Variants in NCOR2 observed in about 807,000 individuals in gnomAD.
NCOR2 encodes nuclear receptor corepressor 2.
Under a neutral mutation model 262.9 loss-of-function variants are expected in NCOR2, and 81 were observed. The observed-to-expected ratio is 0.31, with a 90% CI of 0.26 to 0.37. The LOEUF (loss-of-function observed/expected upper bound fraction) is 0.37. Among genes scored for constraint, NCOR2 ranks in the 10% least tolerant of loss-of-function variants. The pLI is 1.00. For synonymous variants in NCOR2, 1,659 were observed against 1,559.3 expected (o/e 1.06, Z -1.51); for missense variants, 3,385 against 3,621.4 (o/e 0.93, Z 1.68).
chr12:124,450,792 C>T (rs1014443306), intron 6 of NCOR2, among the ~76,000 whole-genome samples: 8 of 152,224 alleles, frequency 5.3e-5, no homozygotes, highest in African/African-American at 1.9e-4. Flanking sequence ...AGGTTCAAGT[C>T]CCGGTTCTGA....
chr12:124,344,980 C>G, intron 31 of NCOR2, 29 bp from the exon 34 acceptor site: 1 of 1,497,362 alleles, frequency 6.7e-7, no homozygotes, highest in Non-Finnish European at 9.0e-7. Flanking sequence ...AAGCTCTAGC[C>G]CTGGCCACAG....
intron 4 of NCOR2, 62 bp from the exon 7 acceptor site, chr12:124,466,348 C>T (rs1024578398): frequency 2.7e-6 from 4 of 1,502,580 alleles, no homozygotes; most frequent in African/African-American, 2.8e-5. Flanking sequence ...GGGCTGCAGC[C>T]CCCAGGGCGC....
intron 18 of NCOR2, among the ~76,000 whole-genome samples, chr12:124,374,673 A>G (rs149449227): frequency 1.1e-4 from 17 of 152,338 alleles, no homozygotes; most frequent in Non-Finnish European, 1.5e-4. Context: ...GTGACCTGCA[A>G]TAGCCCTGAG....
chr12:124,333,390 T>C, intron 41 of NCOR2, 111 bp from the exon 44 acceptor site: 1 of 1,036,904 alleles, frequency 9.6e-7, no homozygotes, highest in Non-Finnish European at 1.3e-6. Flanking sequence ...CGTGGCCAAA[T>C]CATAAACGTT....
upstream of NCOR2, among the ~76,000 whole-genome samples, chr12:124,496,999 C>T (rs1348414262): frequency 6.6e-6 from 1 of 152,160 alleles, no homozygotes; most frequent in Non-Finnish European, 1.5e-5. The surrounding 1 kb of genome is among the most constrained non-coding windows in gnomAD (Gnocchi z 4.4). Flanking sequence ...GAAGGCAGGG[C>T]GAAAGGGCGG....
intron 20 of NCOR2, 52 bp downstream of exon 22, chr12:124,371,970 C>A: frequency 6.6e-7 from 1 of 1,507,558 alleles, no homozygotes; most frequent in Non-Finnish European, 8.9e-7. Flanking sequence ...GTAGTCGCTG[C>A]TCAGTGTCTG....
intron 2 of NCOR2, 197 bp downstream of exon 4, chr12:124,486,244 A>T: frequency 1.4e-6 from 1 of 713,714 alleles, no homozygotes; most frequent in Non-Finnish European, 2.1e-6. Flanking sequence ...TGGAAGTCTG[A>T]GGGCCACGTG....
intron 6 of NCOR2, 141 bp from the exon 9 acceptor site, chr12:124,450,008 C>G (rs2045419763): frequency 1.3e-6 from 1 of 788,878 alleles, no homozygotes; most frequent in Non-Finnish European, 2.0e-6. Context: ...TGAAACAGAA[C>G]ACAGGGACCC....
In NCOR2 at chr12:124,334,669, C is replaced by A. The variant is rs144931545; in HGVS notation, c.6412-52G>T. On this transcript the variant is annotated intron_variant, in intron 40 of 46. Coordinates refer to ENST00000405201, the Ensembl canonical transcript of NCOR2. ...TCAGGCAGCACTCTCCTGACAGAAC[C>A]TTCTGGGGGTGGGGAGGGGCTAGAC... 463 of 974,976 alleles carry A rather than the reference C, an allele frequency of 4.7e-4. 1 individual carries two copies. The African/African-American group carries it at 7.0e-3, about 15-fold the overall frequency. 60.4% of individuals were successfully genotyped at this position (974,976 alleles called of 1,614,324 possible).
At chr12:124,556,097 C>T (rs2051874664) in intron 1 of NCOR2, 1 of 152,290 alleles carries the variant, frequency 6.6e-6, no homozygotes, top group Non-Finnish European at 1.5e-5. Context: ...ACCCTGGCCA[C>T]TCTGGGCCTC....
Position 124,483,153 on chromosome 12 carries a change from C to A in NCOR2, c.411+443G>T, listed in dbSNP as rs969461849. 6.6e-6 allele frequency among the ~76,000 whole-genome samples: 1 copy of A among 152,098 alleles called. No individual in the cohort carries two copies. Among genetic ancestry groups the A allele is most frequent in the African/African-American group, 2.4e-5 (1 of 41,400 alleles). The stretch of plus-strand genomic sequence containing the variant: ...GGGTCACTGAGCCCCCTGTTCCAAG[C>A]AAGCATGGAACCAAACAACCCACCC... On this transcript the variant is annotated intron_variant, in intron 3 of 46. Transcript: ENST00000405201. The surrounding 1 kb of genome is among the most constrained non-coding windows in gnomAD (Gnocchi z 6.3).
At chr12:124,410,638 C>T (rs954883683) in intron 13 of NCOR2, among the ~76,000 whole-genome samples, 3 of 152,144 alleles carry the variant, frequency 2.0e-5, no homozygotes, top group African/African-American at 7.2e-5. Context: ...TACAAGCCCT[C>T]GGCCTGGGAG....
At chr12:124,390,917 G>T (rs1170668576) in intron 16 of NCOR2, among the ~76,000 whole-genome samples, 1 of 152,258 alleles carries the variant, frequency 6.6e-6, no homozygotes, top group Non-Finnish European at 1.5e-5. Flanking sequence ...AGTCACAGAC[G>T]CCGAGTGGAG....
chr12:124,340,027 G>C, exon 37 of NCOR2: 2 of 1,612,418 alleles, frequency 1.2e-6, no homozygotes, highest in Non-Finnish European at 1.7e-6. Context: ...GGGCGTGCTG[G>C]GCTCCACAGC....
chr12:124,405,869 C>T (rs1004737404), intron 13 of NCOR2, among the ~76,000 whole-genome samples: 8 of 152,112 alleles, frequency 5.3e-5, no homozygotes, highest in African/African-American at 1.2e-4. Context: ...GTCCATAGAG[C>T]GGCAGAACTG....
At chr12:124,564,845 G>GT (rs2052182084) in intron 1 of NCOR2, among the ~76,000 whole-genome samples, 1 of 151,888 alleles carries the variant, frequency 6.6e-6, no homozygotes, top group Admixed American at 6.5e-5. Context: ...GCAGACGCTG[G>GT]GGGCCAGGAC....
intron 1 of NCOR2, among the ~76,000 whole-genome samples, chr12:124,527,802 G>A (rs1408654151): frequency 6.6e-6 from 1 of 152,242 alleles, no homozygotes; most frequent in African/African-American, 2.4e-5. Context: ...TCACTGCCAT[G>A]GGGTGCTCCC....
chr12:124,332,373 T>G (rs775884977), exon 43 of NCOR2: 24 of 1,614,184 alleles, frequency 1.5e-5, no homozygotes, highest in Non-Finnish European at 1.9e-5. Flanking sequence ...ATCTCTTGCT[T>G]CTTGGACTTG....
exon 34 of NCOR2, chr12:124,341,878 C>T (rs1338156717): frequency 1.2e-6 from 2 of 1,612,238 alleles, no homozygotes; most frequent in South Asian, 2.2e-5. Flanking sequence ...GCGAGAGGCC[C>T]CTCAGCATAT....
Sources: allele counts gnomAD v4.1 joint callset (sites outside exome capture counted in the v4.1 genomes callset), GRCh38; gene constraint gnomAD v4.1.1; non-coding constraint Gnocchi (gnomAD v3.1); transcripts MANE v1.5; gene names NCBI Gene and HGNC (gene_info 2026-07-23, HGNC 2026-07-21).